SAMD5: variants seen among roughly 807,000 people sequenced by gnomAD.
SAMD5 encodes the protein sterile alpha motif domain containing 5, also known as sterile alpha motif domain-containing protein 5.
SAMD5 carries 13 observed loss-of-function variants against 11.3 expected under a neutral mutation model. The observed-to-expected ratio is 1.15, with a 90% CI of 0.75 to 1.83. The LOEUF (loss-of-function observed/expected upper bound fraction) is 1.83. SAMD5 is among the 40% of genes most tolerant of loss of function. The pLI is 0.00. For synonymous variants in SAMD5, 129 were observed against 111.3 expected, an observed-to-expected ratio of 1.16 and a Z score of -1.00; for missense variants, 255 against 239.1, an observed-to-expected ratio of 1.07 and a Z score of -0.44.
At chr6:147,713,102 G>A (rs957747038) in intron 1 of SAMD5, among the ~76,000 whole-genome samples, 17 of 152,214 alleles carry the variant, frequency 1.1e-4, no homozygotes, top group Non-Finnish European at 1.5e-5. Context: ...GAATGTTTGT[G>A]TTTGATAATC....
chr6:147,614,294 C>A (rs1451290578), intron 1 of SAMD5, among the ~76,000 whole-genome samples: 1 of 151,464 alleles, frequency 6.6e-6, no homozygotes, highest in African/African-American at 2.4e-5. Flanking sequence ...ATGGTGAAAC[C>A]CTGTCTCTAC....
At chr6:147,742,889 G>A in the SAMD5 span, among the ~76,000 whole-genome samples, 2 of 152,144 alleles carry the variant, frequency 1.3e-5, no homozygotes, top group African/African-American at 4.8e-5. Flanking sequence ...AATTTTACTT[G>A]TTGTACATAG....
At chr6:147,859,163 C>T in the SAMD5 span, among the ~76,000 whole-genome samples, 3 of 152,066 alleles carry the variant, frequency 2.0e-5, no homozygotes. Flanking sequence ...CCCAGGTGTG[C>T]TTCCATGTCC....
the SAMD5 span, among the ~76,000 whole-genome samples, chr6:147,848,813 T>A: frequency 1.3e-5 from 2 of 152,242 alleles, no homozygotes; most frequent in Non-Finnish European, 2.9e-5. Context: ...TAACTTGTCC[T>A]GGCTACATTT....
the SAMD5 span, among the ~76,000 whole-genome samples, chr6:147,782,496 C>CT: frequency 6.6e-6 from 1 of 152,148 alleles, no homozygotes; most frequent in Non-Finnish European, 1.5e-5. Flanking sequence ...TAGTGCAGTG[C>CT]TTTTTAATTC....
the SAMD5 span, among the ~76,000 whole-genome samples, chr6:147,742,811 G>A: frequency 6.6e-6 from 1 of 152,286 alleles, no homozygotes; most frequent in African/African-American, 2.4e-5. Flanking sequence ...CCCTCTTCAG[G>A]AAGGAATTAA....
intron 1 of SAMD5, among the ~76,000 whole-genome samples, chr6:147,607,698 A>C (rs1789723743): frequency 6.6e-6 from 1 of 152,202 alleles, no homozygotes; most frequent in African/African-American, 2.4e-5. Context: ...CTACAAGAAA[A>C]CATTGAGGAA....
At chr6:147,635,584 A>T (rs1790217857) in intron 1 of SAMD5, among the ~76,000 whole-genome samples, 1 of 152,158 alleles carries the variant, frequency 6.6e-6, no homozygotes, top group South Asian at 2.1e-4. Context: ...ACAAATATGG[A>T]TACCCCTTCC....
the SAMD5 span, among the ~76,000 whole-genome samples, chr6:147,858,391 T>G: frequency 5.3e-5 from 8 of 152,154 alleles, no homozygotes; most frequent in African/African-American, 1.9e-4. Flanking sequence ...TGGTAAGAAT[T>G]GTTTAATTTG....
chr6:147,550,084 A>C (rs1357111284), intron 1 of SAMD5, among the ~76,000 whole-genome samples: 1 of 151,752 alleles, frequency 6.6e-6, no homozygotes, highest in Non-Finnish European at 1.5e-5. Flanking sequence ...TGTCTCTAAA[A>C]AAATAAAAAC....
At chr6:147,763,983 G>A in the SAMD5 span, among the ~76,000 whole-genome samples, 2 of 152,206 alleles carry the variant, frequency 1.3e-5, no homozygotes, top group Admixed American at 6.5e-5. Flanking sequence ...GGGTGCACAC[G>A]TGCACGCAGA....
the SAMD5 span, among the ~76,000 whole-genome samples, chr6:147,777,148 G>C: frequency 7.2e-5 from 11 of 151,976 alleles, no homozygotes; most frequent in South Asian, 4.2e-4. Context: ...CTAAGTATTT[G>C]ACTTTTTTTT....
chr6:147,564,297 A>T lies in SAMD5; in HGVS notation c.460-97A>T. The T allele has an allele frequency of 5.4e-6, 4 of 736,042 alleles. No homozygotes were observed. In the East Asian group the frequency reaches 1.0e-4, roughly 19 times the overall value. 45.6% of individuals were successfully genotyped at this position (736,042 alleles called of 1,614,324 possible). On this transcript the variant is annotated intron_variant, in intron 1 of 1. Transcript: ENST00000367474. ...GTCCATGTGGTAAGCAGAAAGGGAC[A>T]AGAATGACTTAAAAATAGGAGCAGA...
chr6:147,637,555 G>C (rs891946883), intron 1 of SAMD5, among the ~76,000 whole-genome samples: 6 of 152,186 alleles, frequency 3.9e-5, no homozygotes, highest in Non-Finnish European at 8.8e-5. Flanking sequence ...GATGTGCCAA[G>C]GTATTTACAT....
At chr6:147,716,119 A>G (rs926165296) in intron 1 of SAMD5, among the ~76,000 whole-genome samples, 4 of 152,098 alleles carry the variant, frequency 2.6e-5, no homozygotes, top group Non-Finnish European at 4.4e-5. Flanking sequence ...GCCGCCATTC[A>G]TGGCACCTAT....
At chr6:147,791,018 G>A in the SAMD5 span, among the ~76,000 whole-genome samples, 1 of 152,084 alleles carries the variant, frequency 6.6e-6, no homozygotes, top group African/African-American at 2.4e-5. Context: ...AGATAGGCCG[G>A]GTGTGGTGGC....
chr6:147,909,626 T>TTCTCTCTCTCTCTCTCTCTCTCTCTCTC, the SAMD5 span, among the ~76,000 whole-genome samples: 2 of 59,258 alleles, frequency 3.4e-5, no homozygotes, highest in African/African-American at 1.7e-4. Context: ...CTTTCTTTCT[T>TTCTCTCTCTCTCTCTCTCTCTCTCTCTC]TCTTTCTCTT....
intron 1 of SAMD5, among the ~76,000 whole-genome samples, chr6:147,643,744 AGAAGGAAGGAAGGAAGGAAG>A (rs6149848): frequency 9.5e-5 from 11 of 116,072 alleles, no homozygotes; most frequent in African/African-American, 3.5e-4. Flanking sequence ...AGGGAAGGAA[AGAAGGAAGGAAGGAAGGAAG>A]GAAGGAAGGA....
At chr6:147,921,323 CAGA>C in the SAMD5 span, among the ~76,000 whole-genome samples, 18 of 118,990 alleles carry the variant, frequency 1.5e-4, no homozygotes, top group Admixed American at 1.1e-3. Context: ...ACTTCAAAAC[CAGA>C]AGAAGAAGAA....
Sources: allele counts gnomAD v4.1 joint callset (sites outside exome capture counted in the v4.1 genomes callset), GRCh38; gene constraint gnomAD v4.1.1; transcripts MANE v1.5; gene names NCBI Gene and HGNC (gene_info 2026-07-23, HGNC 2026-07-21).